Variants in EYA2 observed in about 807,000 individuals in gnomAD.
EYA2 encodes the protein EYA transcriptional coactivator and phosphatase 2.
EYA2 carries 31 observed loss-of-function variants against 69.2 expected under a neutral mutation model. The observed-to-expected ratio is 0.45, with a 90% CI of 0.34 to 0.60. EYA2 has a LOEUF of 0.60. Among genes scored for constraint, EYA2 ranks in the 20% least tolerant of loss-of-function variants. EYA2 has a pLI of 0.02. For synonymous variants in EYA2, 257 were observed against 279.4 expected (o/e 0.92, Z 0.80); for missense variants, 622 against 701.2 (o/e 0.89, Z 1.28).
chr20:47,040,387 T>G (rs1202373818), intron 5 of EYA2, among the ~76,000 whole-genome samples: 1 of 152,212 alleles, frequency 6.6e-6, no homozygotes, highest in Non-Finnish European at 1.5e-5. Flanking sequence ...CGTATCTCCC[T>G]CAATGGGGGA....
rs182985215 is a variant in EYA2, at chr20:47,097,058, C to T, written c.805-27C>T. 2.7e-4 allele frequency: 423 copies of T among 1,580,652 alleles called. No homozygotes were observed. In the African/African-American group the frequency reaches 5.3e-3, roughly 20 times the overall value. On this transcript the variant is annotated intron_variant, in intron 8 of 15. Coordinates refer to ENST00000327619, the MANE Select transcript of EYA2 (RefSeq NM_005244.5). ...CAGATGCACGTGAGTCCATTTTTCT[C>T]CATTCTCTTCCTCTCTTTCATCACA...
chr20:47,035,731 C>T (rs941461285), intron 5 of EYA2, among the ~76,000 whole-genome samples: 2 of 151,978 alleles, frequency 1.3e-5, no homozygotes, highest in African/African-American at 2.4e-5. Flanking sequence ...ATAGCTAATA[C>T]TGGGCCGGGC....
At chr20:47,166,725 G>T (rs1229207365) in intron 10 of EYA2, among the ~76,000 whole-genome samples, 1 of 152,124 alleles carries the variant, frequency 6.6e-6, no homozygotes, top group East Asian at 1.9e-4. Flanking sequence ...TGTTCTCGGT[G>T]CTCTCATGCA....
intron 1 of EYA2, among the ~76,000 whole-genome samples, chr20:46,908,675 A>G (rs1031696226): frequency 6.6e-6 from 1 of 152,148 alleles, no homozygotes; most frequent in African/African-American, 2.4e-5. Context: ...CCATTCAGGA[A>G]TGGTCTCCGT....
intron 2 of EYA2, among the ~76,000 whole-genome samples, chr20:47,000,209 G>A (rs1982275834): frequency 6.6e-6 from 1 of 152,222 alleles, no homozygotes; most frequent in Non-Finnish European, 1.5e-5. Context: ...ATTTAGAAGA[G>A]AGCTTGGCAC....
At chr20:46,985,464 G>A (rs1001406790) in intron 1 of EYA2, among the ~76,000 whole-genome samples, 8 of 152,188 alleles carry the variant, frequency 5.3e-5, no homozygotes, top group African/African-American at 1.9e-4. Context: ...TTTTGGATGT[G>A]TAAGAGCTCT....
intron 2 of EYA2, among the ~76,000 whole-genome samples, chr20:46,994,751 C>G (rs1305744825): frequency 1.3e-5 from 2 of 151,720 alleles, no homozygotes; most frequent in African/African-American, 4.9e-5. Flanking sequence ...ACAGAAATCC[C>G]GCTTTGTGGG....
intron 1 of EYA2, among the ~76,000 whole-genome samples, chr20:46,935,732 G>A (rs1283951650): frequency 1.3e-5 from 2 of 152,056 alleles, no homozygotes; most frequent in Non-Finnish European, 2.9e-5. Flanking sequence ...TTCCTGGCAC[G>A]TAGTAAACTC....
At chr20:47,163,183 C>G (rs534997166) in intron 10 of EYA2, among the ~76,000 whole-genome samples, 1 of 152,146 alleles carries the variant, frequency 6.6e-6, no homozygotes, top group Non-Finnish European at 1.5e-5. Flanking sequence ...GTGTATGCCA[C>G]CATGCCTGGC....
intron 1 of EYA2, among the ~76,000 whole-genome samples, chr20:46,968,439 G>A (rs563783516): frequency 6.6e-6 from 1 of 152,232 alleles, no homozygotes; most frequent in South Asian, 2.1e-4. Flanking sequence ...TATCCCCATT[G>A]TACAGATGAG....
At chr20:47,163,138 T>G (rs905000707) in intron 10 of EYA2, among the ~76,000 whole-genome samples, 1 of 151,860 alleles carries the variant, frequency 6.6e-6, no homozygotes, top group African/African-American at 2.4e-5. Context: ...CAAGCGATCC[T>G]CCTTTCTCAG....
intron 9 of EYA2, among the ~76,000 whole-genome samples, chr20:47,136,741 CAAAA>C (rs11482117): frequency 3.7e-5 from 4 of 108,150 alleles, no homozygotes; most frequent in African/African-American, 3.8e-5. Context: ...GACCCTGTCT[CAAAA>C]AAAAAAAAAA....
At chr20:47,121,393 A>G (rs2066224) in intron 9 of EYA2, among the ~76,000 whole-genome samples, 74,596 of 152,032 alleles carry the variant, frequency 0.49, 18,712 homozygotes, top group East Asian at 0.69. Flanking sequence ...GTGCCCCGCC[A>G]GAATTCAATG....
At chr20:47,182,734 G>A (rs953036717) in intron 14 of EYA2, among the ~76,000 whole-genome samples, 2 of 151,662 alleles carry the variant, frequency 1.3e-5, no homozygotes, top group African/African-American at 4.9e-5. Context: ...CCAGGAGTTC[G>A]AGACCAGCCT....
chr20:47,187,992 G>T (rs2034680871), intron 15 of EYA2, 61 bp from the exon 16 acceptor site: 2 of 1,524,776 alleles, frequency 1.3e-6, no homozygotes, highest in South Asian at 2.4e-5. Context: ...TCTAACCACA[G>T]GCGTGGAACC....
rs777015578 is a variant in EYA2, at chr20:47,089,334, T to C, written c.757T>C (p.Ser253Pro). The change falls in exon 8 of 16, where the codon TCT becomes CCT. Residue 253 changes from serine to proline, a missense_variant. Ser to Pro is a moderately conservative substitution (Grantham distance 74, BLOSUM62 -1). Coordinates refer to ENST00000327619, the MANE Select transcript of EYA2 (RefSeq NM_005244.5). ...CTCCGACGGGAAGCTCCGAGGCCGG[T>C]CTAAGAGGAGCAGTGACCCGTCCCC... ...RASDGKLRGRSKRSSDPSPAG... is the reference protein window; with the variant it reads ...RASDGKLRGRPKRSSDPSPAG... 3.1e-6 allele frequency: 5 copies of C among 1,614,000 alleles called. No individual in the cohort carries two copies. Among genetic ancestry groups the C allele is most frequent in the Non-Finnish European group, 4.2e-6 (5 of 1,179,990 alleles).
At chr20:47,111,310 A>T (rs1418493497) in intron 9 of EYA2, among the ~76,000 whole-genome samples, 1 of 91,460 alleles carries the variant, frequency 1.1e-5, no homozygotes, top group Admixed American at 1.0e-4. Context: ...GTTATCAGTT[A>T]GCTACAAAAC....
chr20:46,900,595 A>G (rs1379657422), intron 1 of EYA2, among the ~76,000 whole-genome samples: 2 of 152,196 alleles, frequency 1.3e-5, no homozygotes, highest in Non-Finnish European at 2.9e-5. Flanking sequence ...AAAATTCCAC[A>G]CAGTAATTGC....
intron 2 of EYA2, among the ~76,000 whole-genome samples, chr20:46,994,954 G>T (rs996942226): frequency 6.6e-6 from 1 of 151,608 alleles, no homozygotes; most frequent in African/African-American, 2.4e-5. Context: ...AGGCTGGAGC[G>T]CAGTGGCACG....
Sources: allele counts gnomAD v4.1 joint callset (sites outside exome capture counted in the v4.1 genomes callset), GRCh38; gene constraint gnomAD v4.1.1; transcripts MANE v1.5; gene names NCBI Gene and HGNC (gene_info 2026-07-23, HGNC 2026-07-21).